Variants in KHDRBS2 observed in about 807,000 individuals in gnomAD.
KHDRBS2 encodes the protein KH domain-containing, RNA-binding, signal transduction-associated protein 2.
KHDRBS2 carries 26 observed loss-of-function variants against 44.3 expected under a neutral mutation model. The ratio of observed to expected loss-of-function variants is 0.59; its 90% CI spans 0.43 to 0.81. KHDRBS2 has a LOEUF of 0.81. KHDRBS2 is among the 40% of genes least tolerant of loss of function. The probability of loss-of-function intolerance (pLI) is 0.00; values close to 1 mark genes in which losing one functional copy is unlikely to be tolerated. For synonymous variants in KHDRBS2, 194 were observed against 151.1 expected (o/e 1.28, Z -2.08); for missense variants, 476 against 433.1 (o/e 1.10, Z -0.88).
chr6:61,584,309 G>T, the KHDRBS2 span, among the ~76,000 whole-genome samples: 1 of 151,738 alleles, frequency 6.6e-6, no homozygotes, highest in Admixed American at 6.6e-5. Flanking sequence ...AAAAGAAAGC[G>T]TTTAATATTT....
the KHDRBS2 span, among the ~76,000 whole-genome samples, chr6:61,616,347 A>T: frequency 6.6e-6 from 1 of 152,000 alleles, no homozygotes. Context: ...CAATGACTAT[A>T]TGTGTGGAGT....
the KHDRBS2 span, among the ~76,000 whole-genome samples, chr6:61,626,520 T>C: frequency 6.6e-6 from 1 of 152,372 alleles, no homozygotes; most frequent in South Asian, 2.1e-4. Context: ...GAAAGAAGTA[T>C]TTAAGTCACT....
At chr6:61,692,908 G>T (rs1480687988) in intron 8 of KHDRBS2, among the ~76,000 whole-genome samples, 1 of 151,942 alleles carries the variant, frequency 6.6e-6, no homozygotes, top group Non-Finnish European at 1.5e-5. Context: ...AAGTCTAGGG[G>T]GTTGCCAGGA....
At chr6:61,980,921 T>G (rs1773707956) in intron 3 of KHDRBS2, among the ~76,000 whole-genome samples, 2 of 152,156 alleles carry the variant, frequency 1.3e-5, no homozygotes, top group African/African-American at 4.8e-5. Flanking sequence ...AGAGCTGAAT[T>G]CCATGTCATT....
chr6:62,117,039 G>A (rs756048432), intron 2 of KHDRBS2, among the ~76,000 whole-genome samples: 3 of 152,086 alleles, frequency 2.0e-5, no homozygotes, highest in Non-Finnish European at 4.4e-5. Context: ...CTTGGCTATT[G>A]TGAACAGTGC....
chr6:61,951,944 C>T (rs1764838902), intron 4 of KHDRBS2, among the ~76,000 whole-genome samples: 1 of 151,476 alleles, frequency 6.6e-6, no homozygotes, highest in Non-Finnish European at 1.5e-5. Flanking sequence ...TCTGTACAAT[C>T]AAAGAAAGCC....
At chr6:62,175,897 C>G (rs963659930) in intron 2 of KHDRBS2, among the ~76,000 whole-genome samples, 3 of 151,352 alleles carry the variant, frequency 2.0e-5, no homozygotes, top group Admixed American at 1.3e-4. Context: ...TGATCAGAGA[C>G]TATAGAACTA....
chr6:61,608,828 T>C, the KHDRBS2 span, among the ~76,000 whole-genome samples: 4 of 152,194 alleles, frequency 2.6e-5, no homozygotes, highest in East Asian at 7.7e-4. Flanking sequence ...TTTCTTTATG[T>C]AGTGTATTAT....
At chr6:62,257,116 G>A (rs1035678456) in intron 1 of KHDRBS2, among the ~76,000 whole-genome samples, 1 of 152,018 alleles carries the variant, frequency 6.6e-6, no homozygotes, top group Non-Finnish European at 1.5e-5. Flanking sequence ...CTTTTTCCAA[G>A]GTAAATTAAG....
the KHDRBS2 span, among the ~76,000 whole-genome samples, chr6:61,662,970 A>G: frequency 1.3e-5 from 2 of 152,008 alleles, no homozygotes; most frequent in Admixed American, 6.6e-5. Flanking sequence ...TAGCGGCACT[A>G]TTCACAATAG....
chr6:61,699,036 G>A (rs1768251458), intron 7 of KHDRBS2, among the ~76,000 whole-genome samples: 1 of 151,990 alleles, frequency 6.6e-6, no homozygotes, highest in South Asian at 2.1e-4. Flanking sequence ...TTTATTGGCT[G>A]TTCCCCTCTT....
chr6:62,276,407 G>A (rs1441918091), intron 1 of KHDRBS2, among the ~76,000 whole-genome samples: 1 of 152,192 alleles, frequency 6.6e-6, no homozygotes, highest in Admixed American at 6.5e-5. Flanking sequence ...GCTTCTAGAA[G>A]AATTCAGCAA....
At chr6:61,592,124 G>C in the KHDRBS2 span, among the ~76,000 whole-genome samples, 4 of 148,122 alleles carry the variant, frequency 2.7e-5, no homozygotes, top group African/African-American at 1.0e-4. Context: ...CCAGGAGATT[G>C]AGGCTGCAGC....
At chr6:61,926,265 A>G (rs1808956164) in intron 4 of KHDRBS2, among the ~76,000 whole-genome samples, 1 of 152,114 alleles carries the variant, frequency 6.6e-6, no homozygotes, top group Non-Finnish European at 1.5e-5. Flanking sequence ...CTTTTAGATG[A>G]GTGGTGTATA....
chr6:61,887,380 C>T (rs1405027863), intron 6 of KHDRBS2, among the ~76,000 whole-genome samples: 1 of 152,150 alleles, frequency 6.6e-6, no homozygotes, highest in Non-Finnish European at 1.5e-5. Context: ...TCCAAATCTA[C>T]TTCAATCATG....
chr6:61,891,416 A>T (rs534507890), intron 6 of KHDRBS2, among the ~76,000 whole-genome samples: 28 of 152,248 alleles, frequency 1.8e-4, no homozygotes, highest in African/African-American at 6.3e-4. Context: ...TGTCTCTGCC[A>T]GGCTTTGGTA....
At chr6:61,796,496 TA>T (rs1207714011) in intron 6 of KHDRBS2, among the ~76,000 whole-genome samples, 1 of 152,084 alleles carries the variant, frequency 6.6e-6, no homozygotes, top group Non-Finnish European at 1.5e-5. Flanking sequence ...TCAGAAGGCA[TA>T]TTCTTACATT....
intron 4 of KHDRBS2, among the ~76,000 whole-genome samples, chr6:61,954,922 G>A (rs377570119): frequency 0.074 from 1,474 of 19,950 alleles, 21 homozygotes; most frequent in South Asian, 0.19. Context: ...ACATATATAT[G>A]TATACACATA....
chr6:62,224,045 C>A (rs1419295434), intron 1 of KHDRBS2, among the ~76,000 whole-genome samples: 1 of 152,136 alleles, frequency 6.6e-6, no homozygotes, highest in Non-Finnish European at 1.5e-5. Context: ...TACCAATTTA[C>A]TGTATTAGTC....
Sources: gnomAD v4.1 joint callset for allele counts (sites outside exome capture counted in the v4.1 genomes callset) on GRCh38, gnomAD v4.1.1 for gene constraint, MANE v1.5 for transcripts, NCBI Gene and HGNC (gene_info 2026-07-23, HGNC 2026-07-21) for gene names.